RBM25: variants seen among roughly 807,000 people sequenced by gnomAD.
RBM25 encodes RNA binding motif protein 25.
RBM25 carries 19 observed loss-of-function variants against 120.7 expected under a neutral mutation model. That is an observed-to-expected ratio of 0.16 (90% CI 0.11 to 0.23). The LOEUF (loss-of-function observed/expected upper bound fraction) is 0.23. RBM25 is among the 10% of genes least tolerant of loss of function. The pLI is 1.00. For missense variants in RBM25, 605 were observed against 1,041.5 expected (o/e 0.58, Z 5.77); for synonymous variants, 390 against 326.7 (o/e 1.19, Z -2.09).
At chr14:73,084,989 G>C (rs1356950654) in intron 5 of RBM25, among the ~76,000 whole-genome samples, 1 of 151,890 alleles carries the variant, frequency 6.6e-6, no homozygotes, top group Non-Finnish European at 1.5e-5. Context: ...TGCCTAGATT[G>C]ATTAATTCAT....
intron 10 of RBM25, among the ~76,000 whole-genome samples, chr14:73,104,854 G>T (rs1896146448): frequency 6.6e-6 from 1 of 152,004 alleles, no homozygotes; most frequent in African/African-American, 2.4e-5. Context: ...TTCCACTTTA[G>T]GTCATTTCAC....
chr14:73,078,450 A>G (rs1444040648), intron 4 of RBM25, among the ~76,000 whole-genome samples: 2 of 152,166 alleles, frequency 1.3e-5, no homozygotes, highest in Non-Finnish European at 2.9e-5. Flanking sequence ...ATGATCTTGT[A>G]ATTGCACTCC....
chr14:73,090,626 C>G (rs1014483898), intron 6 of RBM25, among the ~76,000 whole-genome samples: 1 of 152,196 alleles, frequency 6.6e-6, no homozygotes, highest in Non-Finnish European at 1.5e-5. Flanking sequence ...TAAAGCAGAT[C>G]TTTATAGCTG....
intron 4 of RBM25, among the ~76,000 whole-genome samples, chr14:73,083,238 C>T (rs1028267011): frequency 1.3e-5 from 2 of 151,994 alleles, no homozygotes; most frequent in Non-Finnish European, 1.5e-5. Context: ...AGTAGTGATG[C>T]GAAACTTTTA....
chr14:73,079,808 ATTACTTCCATGGGATTT>A (rs1351540204), intron 4 of RBM25, among the ~76,000 whole-genome samples: 1 of 150,474 alleles, frequency 6.6e-6, no homozygotes, highest in Non-Finnish European at 1.5e-5. Context: ...GTTTTCTTCT[ATTACTTCCATGGGATTT>A]TTGGTAATTT....
At chr14:73,093,040 G>A (rs1051698377) in intron 6 of RBM25, among the ~76,000 whole-genome samples, 1 of 152,086 alleles carries the variant, frequency 6.6e-6, no homozygotes, top group African/African-American at 2.4e-5. Flanking sequence ...TGCTAATTTA[G>A]TTCATGTCCT....
At chr14:73,113,998 T>C (rs1208062855) in intron 17 of RBM25, among the ~76,000 whole-genome samples, 4 of 152,184 alleles carry the variant, frequency 2.6e-5, no homozygotes, top group African/African-American at 9.7e-5. Flanking sequence ...TTTGATATTA[T>C]GAACAGTAAA....
chr14:73,108,121 C>G (rs1180659785), intron 13 of RBM25, among the ~76,000 whole-genome samples: 1 of 152,122 alleles, frequency 6.6e-6, no homozygotes, highest in African/African-American at 2.4e-5. Flanking sequence ...AGTGGGGGAG[C>G]CCATGATAGT....
chr14:73,107,704 A>G lies in RBM25; in HGVS notation c.1468-122A>G, dbSNP rs3025766. On this transcript the variant is annotated intron_variant, in intron 12 of 18. Transcript: ENST00000261973. ...TAAAATTATGTGAAGAGAAATTCCT[A>G]TAAGTCTCCCTCTTACTCTTGGTTT... 2,841 of 717,800 alleles carry G rather than the reference A, an allele frequency of 4.0e-3. 72 individuals carry two copies. The African/African-American group carries it at 0.044, about 11-fold the overall frequency. The allele number at this position is 717,800 out of a possible 1,614,324, so 44.5% of individuals were successfully genotyped here.
chr14:73,090,756 G>A (rs1227664051), intron 6 of RBM25, among the ~76,000 whole-genome samples: 1 of 152,012 alleles, frequency 6.6e-6, no homozygotes, highest in African/African-American at 2.4e-5. Flanking sequence ...TAAGTTTGTG[G>A]GCTGTGTCTC....
chr14:73,094,978 T>A (rs1315652665), intron 6 of RBM25, among the ~76,000 whole-genome samples: 1 of 151,844 alleles, frequency 6.6e-6, no homozygotes, highest in Non-Finnish European at 1.5e-5. Flanking sequence ...TGCCTCAGCC[T>A]CCTGAATAGC....
intron 4 of RBM25, among the ~76,000 whole-genome samples, chr14:73,082,919 A>AC (rs1467135057): frequency 6.6e-6 from 1 of 151,502 alleles, no homozygotes; most frequent in East Asian, 1.9e-4. Flanking sequence ...AAAAAAAAAA[A>AC]ACAAAAAACA....
At chr14:73,093,069 A>G (rs1284052331) in intron 6 of RBM25, among the ~76,000 whole-genome samples, 1 of 152,196 alleles carries the variant, frequency 6.6e-6, no homozygotes, top group African/African-American at 2.4e-5. Context: ...CTGGCTGTCC[A>G]GCAAAAATAG....
intron 6 of RBM25, among the ~76,000 whole-genome samples, chr14:73,092,429 C>G (rs1280733372): frequency 6.6e-6 from 1 of 152,024 alleles, no homozygotes; most frequent in African/African-American, 2.4e-5. Flanking sequence ...ATTGAAAACC[C>G]TTTGTGTTGC....
At position 73,085,687 on chromosome 14, in the gene RBM25, TC is replaced by T. The variant is rs368313742; in HGVS notation, c.382+2138del. Among the ~76,000 whole-genome samples the T allele has an allele frequency of 2.7e-4, 41 of 152,122 alleles. No individual in the cohort carries two copies. The East Asian group carries it at 6.8e-3, about 25-fold the overall frequency. ...GTCTTGAACACGTGACTTCAGGTGA[TC>T]CGCCCACCTCAGTCTCCCAAAGTGC... On this transcript the variant is annotated intron_variant, in intron 5 of 18. Transcript: ENST00000261973.
At chr14:73,088,505 A>T in intron 6 of RBM25, 2 of 417,802 alleles carry the variant, frequency 4.8e-6, no homozygotes, top group South Asian at 1.8e-5. Flanking sequence ...AACCTACACA[A>T]TTTTTATTAG....
intron 9 of RBM25, chr14:73,102,923 A>G (rs537215647): frequency 1.8e-3 from 810 of 454,514 alleles, no homozygotes; most frequent in Non-Finnish European, 2.7e-3. Context: ...TAGTTAGTAC[A>G]TAGTCATTGA....
intron 1 of RBM25, among the ~76,000 whole-genome samples, chr14:73,063,302 A>G (rs1000080886): frequency 3.3e-5 from 5 of 151,048 alleles, no homozygotes; most frequent in Non-Finnish European, 7.4e-5. Context: ...GGCGCCTGCC[A>G]CTATGCCCGG....
intron 1 of RBM25, among the ~76,000 whole-genome samples, chr14:73,060,006 T>A (rs773617145): frequency 2.0e-5 from 3 of 152,066 alleles, no homozygotes; most frequent in Non-Finnish European, 4.4e-5. Flanking sequence ...AATGTAAGAG[T>A]CCAACCCTGA....
Sources: gnomAD v4.1 joint callset for allele counts (sites outside exome capture counted in the v4.1 genomes callset) on GRCh38, gnomAD v4.1.1 for gene constraint, MANE v1.5 for transcripts, NCBI Gene and HGNC (gene_info 2026-07-23, HGNC 2026-07-21) for gene names.